TCF7L1: variants seen among roughly 807,000 people sequenced by gnomAD.
TCF7L1 encodes transcription factor 7-like 1.
TCF7L1 carries 18 observed loss-of-function variants against 63.7 expected under a neutral mutation model. The observed-to-expected ratio is 0.28, with a 90% confidence interval of 0.20 to 0.42. The LOEUF (loss-of-function observed/expected upper bound fraction) is 0.42. Among genes scored for constraint, TCF7L1 ranks in the 10% least tolerant of loss-of-function variants. The pLI is 1.00. For synonymous variants in TCF7L1, 355 were observed against 340.9 expected, an observed-to-expected ratio of 1.04 and a Z score of -0.46; for missense variants, 654 against 779.3, an observed-to-expected ratio of 0.84 and a Z score of 1.91.
chr2:85,232,294 C>A (rs184800815), intron 3 of TCF7L1, among the ~76,000 whole-genome samples: 17 of 152,262 alleles, frequency 1.1e-4, no homozygotes, highest in African/African-American at 3.6e-4. Flanking sequence ...TGATGCTCAG[C>A]CCGGTCAAGC....
chr2:85,233,495 T>C (rs1680127464), intron 3 of TCF7L1, among the ~76,000 whole-genome samples: 1 of 151,802 alleles, frequency 6.6e-6, no homozygotes, highest in Non-Finnish European at 1.5e-5. Context: ...TTTGTATTTT[T>C]AGTAGAGATA....
chr2:85,135,370 T>A (rs187668871), intron 3 of TCF7L1, among the ~76,000 whole-genome samples: 14 of 152,274 alleles, frequency 9.2e-5, no homozygotes, highest in Admixed American at 9.2e-4. Flanking sequence ...CTACCTACTG[T>A]GTGCCAGGTT....
rs1231037645 is a variant in TCF7L1 at position 85,246,102 on chromosome 2, CT to C, written c.442-37391del. On this transcript the variant is annotated intron_variant, in intron 3 of 11. Coordinates refer to ENST00000282111, the MANE Select transcript of TCF7L1 (RefSeq NM_031283.3). ...TGCTTCTGCTAGTGGTGGTGGTTGG[CT>C]TGGTTCTGATCTCCAGATGTAACAG... Among the ~76,000 whole-genome samples, 5 of 152,296 alleles carry C rather than the reference CT, an allele frequency of 3.3e-5. No individual in the cohort carries two copies. The East Asian group carries it at 9.6e-4, about 29-fold the overall frequency.
chr2:85,152,415 G>A (rs1678037212), intron 3 of TCF7L1, among the ~76,000 whole-genome samples: 1 of 150,634 alleles, frequency 6.6e-6, no homozygotes, highest in South Asian at 2.1e-4. Flanking sequence ...TGCTCTAAAA[G>A]GATATACCAT....
At chr2:85,208,573 C>T (rs1016699443) in intron 3 of TCF7L1, among the ~76,000 whole-genome samples, 27 of 152,290 alleles carry the variant, frequency 1.8e-4, no homozygotes, top group African/African-American at 5.8e-4. Flanking sequence ...GCTAAATTCT[C>T]ACCATTCCAT....
intron 3 of TCF7L1, among the ~76,000 whole-genome samples, chr2:85,267,517 C>T (rs754192350): frequency 1.5e-4 from 22 of 151,120 alleles, no homozygotes; most frequent in Non-Finnish European, 2.7e-4. Context: ...GGTGTGGTGG[C>T]GCACACCTGT....
rs955512728 is a variant in TCF7L1 at position 85,296,995 on chromosome 2, A to G, written c.526-5489A>G. On this transcript the variant is annotated intron_variant, in intron 4 of 11. Coordinates refer to ENST00000282111, the MANE Select transcript of TCF7L1 (RefSeq NM_031283.3). ...TGAAAATTGACATTCACCTAGACAT[A>G]TCCTAAAAACAGTTCAAATTGCAAG... is the stretch of plus-strand genomic sequence containing the variant. 7.9e-5 allele frequency among the ~76,000 whole-genome samples: 12 copies of G among 152,342 alleles called. 1 individual carries two copies. In the Middle Eastern group the frequency reaches 0.01, roughly 130 times the overall value.
intron 3 of TCF7L1, among the ~76,000 whole-genome samples, chr2:85,236,118 A>G (rs1573003446): frequency 6.6e-6 from 1 of 151,846 alleles, no homozygotes; most frequent in East Asian, 1.9e-4. Context: ...GCACTGCTGC[A>G]CCCCAGCCTG....
intron 11 of TCF7L1, among the ~76,000 whole-genome samples, chr2:85,308,458 T>TTTCCCC (rs1558663551): frequency 1.7e-4 from 8 of 46,364 alleles, no homozygotes; most frequent in African/African-American, 1.3e-4. Flanking sequence ...TTTCCCTCCC[T>TTTCCCC]CTCTTTCCCT....
chr2:85,246,537 T>C (rs1051937776), intron 3 of TCF7L1, among the ~76,000 whole-genome samples: 1 of 152,200 alleles, frequency 6.6e-6, no homozygotes, highest in African/African-American at 2.4e-5. Flanking sequence ...TCCTATTTAA[T>C]AGACAGTGAG....
chr2:85,305,461 C>G (rs907455338), intron 8 of TCF7L1, 58 bp downstream of exon 8: 1 of 1,550,638 alleles, frequency 6.4e-7, no homozygotes, highest in Non-Finnish European at 8.7e-7. Context: ...GGAGGGGTGG[C>G]CACACTCTGA....
At chr2:85,256,084 T>A (rs1680710210) in intron 3 of TCF7L1, among the ~76,000 whole-genome samples, 1 of 152,152 alleles carries the variant, frequency 6.6e-6, no homozygotes, top group South Asian at 2.1e-4. Context: ...AAAAATCCTA[T>A]TCATGGCTCA....
intron 4 of TCF7L1, among the ~76,000 whole-genome samples, chr2:85,285,187 C>T (rs1239840259): frequency 1.3e-5 from 2 of 151,928 alleles, no homozygotes; most frequent in Middle Eastern, 3.4e-3. Flanking sequence ...GAGCCGAGAT[C>T]GCGCCACTGC....
At chr2:85,218,566 T>G (rs1353523310) in intron 3 of TCF7L1, among the ~76,000 whole-genome samples, 9 of 151,918 alleles carry the variant, frequency 5.9e-5, no homozygotes, top group Non-Finnish European at 1.2e-4. Context: ...TTATCTGACT[T>G]CTAGTGGTTC....
intron 3 of TCF7L1, among the ~76,000 whole-genome samples, chr2:85,190,840 G>T (rs892012980): frequency 4.6e-5 from 7 of 152,088 alleles, no homozygotes; most frequent in Non-Finnish European, 1.0e-4. Flanking sequence ...TTTTAAGGTA[G>T]GAAAGGTTAT....
At chr2:85,210,410 G>C (rs1020754256) in intron 3 of TCF7L1, among the ~76,000 whole-genome samples, 2 of 152,202 alleles carry the variant, frequency 1.3e-5, no homozygotes, top group African/African-American at 4.8e-5. Flanking sequence ...AAGTGTGAAG[G>C]GCTAGGAGAG....
chr2:85,304,777 C>T (rs570218281), intron 7 of TCF7L1, among the ~76,000 whole-genome samples: 6 of 152,284 alleles, frequency 3.9e-5, no homozygotes, highest in East Asian at 1.9e-4. Context: ...TTTGCACCAT[C>T]GTAAAGTCAA....
chr2:85,265,005 A>G (rs1022049963), intron 3 of TCF7L1, among the ~76,000 whole-genome samples: 3 of 152,206 alleles, frequency 2.0e-5, no homozygotes, highest in Non-Finnish European at 4.4e-5. Context: ...CTTGAGCCTT[A>G]TAATGGATCC....
chr2:85,211,721 G>A (rs958506858), intron 3 of TCF7L1, among the ~76,000 whole-genome samples: 1 of 152,188 alleles, frequency 6.6e-6, no homozygotes, highest in Admixed American at 6.5e-5. Flanking sequence ...ACCTATGCCC[G>A]TGGGCCCACA....
Sources: allele counts gnomAD v4.1 joint callset (sites outside exome capture counted in the v4.1 genomes callset), GRCh38; gene constraint gnomAD v4.1.1; transcripts MANE v1.5; gene names NCBI Gene and HGNC (gene_info 2026-07-23, HGNC 2026-07-21).